Variants in PCF11 observed in about 807,000 individuals in gnomAD.
PCF11 encodes the protein pre-mRNA cleavage complex 2 protein Pcf11.
In PCF11, 19 loss-of-function variants were observed where a neutral mutation model predicts 166.1. The observed-to-expected ratio is 0.11, with a 90% CI of 0.08 to 0.17. The LOEUF (loss-of-function observed/expected upper bound fraction) is 0.17. PCF11 is among the 10% of genes least tolerant of loss of function. The probability of loss-of-function intolerance (pLI) is 1.00; values close to 1 mark genes in which losing one functional copy is unlikely to be tolerated. For synonymous variants in PCF11, 663 were observed against 644.1 expected, an observed-to-expected ratio of 1.03 and a Z score of -0.44; for missense variants, 1,565 against 1,855.5, an observed-to-expected ratio of 0.84 and a Z score of 2.88.
At chr11:83,182,303 A>G in intron 13 of PCF11, 96 bp from the exon 14 acceptor site, 1 of 679,034 alleles carries the variant, frequency 1.5e-6, no homozygotes, top group Non-Finnish European at 2.5e-6. Context: ...ACACTCATAA[A>G]TTCTTTACTC....
At position 83,181,458 on chromosome 11, in the gene PCF11, G is replaced by C. The variant is rs976764087; in HGVS notation, c.4167+267G>C. On this transcript the variant is annotated intron_variant, in intron 12 of 15. Transcript: ENST00000298281. ...ATACAGGCTTGTTCTAGCTCTAAAA[G>C]TCCAAGGCTTTGACCCCTGGAATAT... 2.1e-5 allele frequency among the ~76,000 whole-genome samples: 3 copies of C among 146,090 alleles called. 1 individual carries two copies. The Middle Eastern group carries it at 0.01, about 500-fold the overall frequency.
At chr11:83,157,880 T>G (rs560152869) in intron 1 of PCF11, 3 of 537,058 alleles carry the variant, frequency 5.6e-6, no homozygotes, top group South Asian at 2.3e-5. Context: ...GCCACCGCAT[T>G]GTATATCCCG....
At chr11:83,179,687 T>C (rs1861018976) in intron 11 of PCF11, among the ~76,000 whole-genome samples, 4 of 152,220 alleles carry the variant, frequency 2.6e-5, no homozygotes, top group Admixed American at 2.6e-4. Flanking sequence ...GCAGATCACC[T>C]GAGGTCAGGA....
exon 5 of PCF11, chr11:83,165,782 G>A (rs752044639): frequency 3.1e-6 from 5 of 1,612,632 alleles, no homozygotes; most frequent in Admixed American, 3.3e-5. Flanking sequence ...GAACTAACCG[G>A]GATCCTCGTC....
intron 15 of PCF11, among the ~76,000 whole-genome samples, chr11:83,183,852 T>G (rs1011807727): frequency 7.9e-5 from 12 of 152,014 alleles, no homozygotes; most frequent in African/African-American, 2.7e-4. Flanking sequence ...TCGTTGACCT[T>G]AAAAGTTCAA....
intron 1 of PCF11, 175 bp downstream of exon 1, chr11:83,157,806 G>C (rs746316703): frequency 5.1e-5 from 32 of 621,816 alleles, no homozygotes; most frequent in Non-Finnish European, 8.2e-5. Flanking sequence ...TGGGCCTCTG[G>C]GGGGGAGGGA....
At chr11:83,165,482 A>G in intron 4 of PCF11, 118 bp from the exon 5 acceptor site, 1 of 667,504 alleles carries the variant, frequency 1.5e-6, no homozygotes, top group Non-Finnish European at 2.4e-6. Flanking sequence ...TACAATTTAA[A>G]TGTAGTGTTG....
chr11:83,161,187 T>C lies in PCF11; in HGVS notation c.193-140T>C, dbSNP rs150728208. On this transcript the variant is annotated intron_variant, in intron 1 of 15. Transcript: ENST00000298281. ...GAGAGTTGAGAGCTTGATTGAACAC[T>C]TAAGTTTCATAAAGATTACTTCAAA... is the stretch of plus-strand genomic sequence containing the variant. The C allele has an allele frequency of 6.7e-4, 426 of 638,450 alleles. 3 individuals are homozygous for C. In the East Asian group the frequency reaches 0.012, roughly 19 times the overall value. The allele number at this position is 638,450 out of a possible 1,614,324, so 39.5% of individuals were successfully genotyped here.
chr11:83,167,970 G>T lies in PCF11; in HGVS notation c.2093-458G>T. On this transcript the variant is annotated intron_variant, in intron 7 of 15. Coordinates refer to ENST00000298281, the Ensembl canonical transcript of PCF11. This position sits in a 1 kb window ranked among gnomAD's most constrained non-coding sequence, Gnocchi z 4.2. ...GAAGGGAAAATGAACAAGCTAAGTG[G>T]GGATGGATTTTTGTGACTGTTCAGA... is the stretch of plus-strand genomic sequence containing the variant. 1 of 1,137,260 alleles carries T rather than the reference G, an allele frequency of 8.8e-7. No homozygotes were observed. 70.4% of individuals were successfully genotyped at this position (1,137,260 alleles called of 1,614,324 possible).
At chr11:83,175,770 C>G (rs1860857630) in intron 9 of PCF11, among the ~76,000 whole-genome samples, 1 of 151,824 alleles carries the variant, frequency 6.6e-6, no homozygotes, top group Non-Finnish European at 1.5e-5. Flanking sequence ...AAAACAAAAA[C>G]AAAAAAAGAA....
chr11:83,169,716 A>G (rs569569653), exon 8 of PCF11: 46 of 1,613,810 alleles, frequency 2.9e-5, no homozygotes, highest in Non-Finnish European at 3.9e-5. Flanking sequence ...TTGAATCAGT[A>G]TCTTTCAATC....
exon 16 of PCF11, chr11:83,186,534 C>A (rs894440920): frequency 1.3e-5 from 2 of 152,092 alleles, no homozygotes; most frequent in Non-Finnish European, 2.9e-5. Context: ...ACGTGCCCAG[C>A]CTTTATTTTT....
rs772541573 is a variant in PCF11 at position 83,167,588 on chromosome 11, T to C, written c.2092+83T>C. 4.5e-6 allele frequency: 7 copies of C among 1,548,784 alleles called. No individual in the cohort carries two copies. The highest frequency in any genetic ancestry group is 6.1e-6 in the Non-Finnish European group (7 of 1,147,318). On this transcript the variant is annotated intron_variant, in intron 7 of 15. Coordinates refer to ENST00000298281, the Ensembl canonical transcript of PCF11. This position sits in a 1 kb window ranked among gnomAD's most constrained non-coding sequence, Gnocchi z 4.2. ...AAAAGAAACCTCTCTTATCTGATGCTGAATTAACCTACTATGAACATAAAG... is the reference window on the plus strand; with the variant it reads ...AAAAGAAACCTCTCTTATCTGATGCCGAATTAACCTACTATGAACATAAAG...
Position 83,167,670 on chromosome 11 carries a change from C to A in PCF11, c.2092+165C>A. The A allele has an allele frequency of 5.2e-6, 8 of 1,524,480 alleles. No individual in the cohort carries two copies. Among genetic ancestry groups the A allele is most frequent in the Non-Finnish European group, 7.0e-6 (8 of 1,139,728 alleles). 94.4% of individuals were successfully genotyped at this position (1,524,480 alleles called of 1,614,324 possible). ...ATTTCCAAGACTTGATCTCTTAGATCCTGATATTTTTGACTACCCTTTGAC... is the reference window on the plus strand; with the variant it reads ...ATTTCCAAGACTTGATCTCTTAGATACTGATATTTTTGACTACCCTTTGAC... On this transcript the variant is annotated intron_variant, in intron 7 of 15. Coordinates refer to ENST00000298281, the Ensembl canonical transcript of PCF11. The surrounding 1 kb of genome is among the most constrained non-coding windows in gnomAD (Gnocchi z 4.2).
chr11:83,178,539 T>C (rs1860965594), intron 11 of PCF11, among the ~76,000 whole-genome samples: 1 of 151,702 alleles, frequency 6.6e-6, no homozygotes, highest in Non-Finnish European at 1.5e-5. Flanking sequence ...CTCACTCCTG[T>C]AATCCCAGCA....
At chr11:83,169,092 G>T (rs761107181) in exon 8 of PCF11, 1 of 1,613,258 alleles carries the variant, frequency 6.2e-7, no homozygotes, top group African/African-American at 1.3e-5. Context: ...GATTTGAGGG[G>T]GGTCATGGTC....
chr11:83,161,582 A>G, intron 2 of PCF11, 130 bp downstream of exon 2: 1 of 618,060 alleles, frequency 1.6e-6, no homozygotes, highest in Non-Finnish European at 2.6e-6. Flanking sequence ...TATCGTTAGT[A>G]CCATTTCAAA....
chr11:83,173,014 T>C (rs1175192357), intron 9 of PCF11, among the ~76,000 whole-genome samples: 1 of 152,218 alleles, frequency 6.6e-6, no homozygotes, highest in African/African-American at 2.4e-5. Flanking sequence ...TTTGTTATTA[T>C]TATTATTTTG....
chr11:83,157,803 C>T (rs1860052272), intron 1 of PCF11, 172 bp downstream of exon 1: 2 of 626,996 alleles, frequency 3.2e-6, no homozygotes, highest in Middle Eastern at 2.6e-4. Context: ...GCATGGGCCT[C>T]TGGGGGGGAG....
Sources: allele counts gnomAD v4.1 joint callset (sites outside exome capture counted in the v4.1 genomes callset), GRCh38; gene constraint gnomAD v4.1.1; non-coding constraint Gnocchi (gnomAD v3.1); transcripts MANE v1.5; gene names NCBI Gene and HGNC (gene_info 2026-07-23, HGNC 2026-07-21).